The following PLD6 variants were observed in gnomAD, a reference collection of about 807,000 sequenced individuals.
The protein encoded by PLD6 is phospholipase D family member 6.
In PLD6, 10 loss-of-function variants were observed where a neutral mutation model predicts 9.7. The observed-to-expected ratio is 1.03, with a 90% CI of 0.64 to 1.75. The LOEUF is 1.75. Ranked by LOEUF, PLD6 falls within the 40% of genes most tolerant of loss-of-function variation. PLD6 has a pLI of 0.00. For missense variants in PLD6, 334 were observed against 347.6 expected (o/e 0.96, Z 0.31); for synonymous variants, 152 against 159.2 (o/e 0.96, Z 0.34).
rs199554116 is a variant in PLD6 at position 17,202,816 on chromosome 17, A to T, written c.710T>A (p.Leu237Ter). ...GCCGCAAGTTCTGTGCCATGAAAGC[A>T]ATCTCCCTCCAGCTCTGGAGACAGG... ...APPVSRAGGR[L>*]LSWHRTCGTS... The change falls in exon 2 of 2, where the codon TTG becomes TAG. Residue 237 changes from leucine (L) to a stop codon, truncating the protein, a stop_gained. Coordinates refer to ENST00000321560, the MANE Select transcript of PLD6 (RefSeq NM_178836.4). LOFTEE classifies it low-confidence loss of function (END_TRUNC). 2.7e-4 allele frequency: 430 copies of T among 1,614,040 alleles called. No homozygotes were observed. Among genetic ancestry groups the T allele is most frequent in the Non-Finnish European group, 3.5e-4 (418 of 1,180,038 alleles).
At chr17:17,205,496 G>A (rs1035892836) in intron 1 of PLD6, among the ~76,000 whole-genome samples, 2 of 152,182 alleles carry the variant, frequency 1.3e-5, no homozygotes, top group African/African-American at 4.8e-5. Context: ...GGCGGGCCCG[G>A]GCTGCAGCAG....
At position 17,202,584 on chromosome 17, in the gene PLD6, G is replaced by A. The variant is rs2046683727; in HGVS notation, c.*183C>T. The stretch of plus-strand genomic sequence containing the variant: ...TGAAGTTATTTTGGCAAAGGAGCAA[G>A]AAAAAGGTCTGGCCCGAAATAACTG... On this transcript the variant is annotated 3_prime_UTR_variant, in exon 2 of 2. Coordinates refer to ENST00000321560, the MANE Select transcript of PLD6 (RefSeq NM_178836.4). The A allele has an allele frequency of 7.7e-6, 5 of 650,210 alleles. No homozygotes were observed. The highest frequency in any genetic ancestry group is 1.3e-5 in the Non-Finnish European group (5 of 385,712). The allele number at this position is 650,210 out of a possible 1,614,324, so 40.3% of individuals were successfully genotyped here. A position where few individuals can be genotyped will look rare whatever the true frequency, so the allele number is the denominator to read the frequency against.
Position 17,206,289 on chromosome 17 carries a change from C to G in PLD6, c.-3G>C. ...ACCTGCCAACTCAACCGTCCCATGC[C>G]GCCGCTAATCCGGGACCCACAGCCA... is the stretch of plus-strand genomic sequence containing the variant. On this transcript the variant is annotated 5_prime_UTR_variant, in exon 1 of 2. Coordinates refer to ENST00000321560, the MANE Select transcript of PLD6 (RefSeq NM_178836.4). The G allele has an allele frequency of 6.5e-7, 1 of 1,528,318 alleles. No individual in the cohort carries two copies. The highest frequency in any genetic ancestry group is 8.7e-7 in the Non-Finnish European group (1 of 1,149,168). The allele number at this position is 1,528,318 out of a possible 1,614,324, so 94.7% of individuals were successfully genotyped here.
At position 17,202,878 on chromosome 17, in the gene PLD6, AAAGG is replaced by A. The variant is rs1567798489; in HGVS notation, c.644_647del (p.Thr215IlefsTer43). The A allele has an allele frequency of 6.2e-7, 1 of 1,614,176 alleles. No individual in the cohort carries two copies. The highest frequency in any genetic ancestry group is 8.5e-7 in the Non-Finnish European group (1 of 1,180,030). ...TTCCGTGACTTTTCTTTGGTGGGAA[AAAGG>A]TATACTTTGTAGGGTTAAACTGTTC... On this transcript the variant is annotated frameshift_variant, in exon 2 of 2. Coordinates refer to ENST00000321560, the MANE Select transcript of PLD6 (RefSeq NM_178836.4). LOFTEE classifies it low-confidence loss of function (END_TRUNC).
Position 17,202,006 on chromosome 17 carries a change from T to TAAAG in PLD6, c.*760_*761insCTTT, listed in dbSNP as rs1401335755. The stretch of plus-strand genomic sequence containing the variant: ...ATCTCAAAAAAGATAAATAAATAAA[T>TAAAG]AAATAAAATAAAAAAAGTTAAAAGC... On this transcript the variant is annotated 3_prime_UTR_variant, in exon 2 of 2. Transcript: ENST00000321560. 6.6e-6 allele frequency: 1 copy of TAAAG among 151,782 alleles called. No homozygotes were observed. The highest frequency in any genetic ancestry group is 1.9e-4 in the East Asian group (1 of 5,172). 9.4% of individuals were successfully genotyped at this position (151,782 alleles called of 1,614,324 possible). A position where few individuals can be genotyped will look rare whatever the true frequency, so the allele number is the denominator to read the frequency against.
Position 17,206,313 on chromosome 17 carries a change from C to G in PLD6, c.-27G>C. Reference sequence around the variant, plus strand: ...CCGCCGCTAATCCGGGACCCACAGCCACGCCGCCGCAGCGGAGTCTGCGCG... The same window carrying G: ...CCGCCGCTAATCCGGGACCCACAGCGACGCCGCCGCAGCGGAGTCTGCGCG... On this transcript the variant is annotated 5_prime_UTR_variant, in exon 1 of 2. Coordinates refer to ENST00000321560, the MANE Select transcript of PLD6 (RefSeq NM_178836.4). 6.7e-7 allele frequency: 1 copy of G among 1,497,992 alleles called. No individual in the cohort carries two copies. The allele number at this position is 1,497,992 out of a possible 1,614,324, so 92.8% of individuals were successfully genotyped here. A position where few individuals can be genotyped will look rare whatever the true frequency, so the allele number is the denominator to read the frequency against.
At position 17,206,302 on chromosome 17, in the gene PLD6, G is replaced by A. The variant is rs2046720950; in HGVS notation, c.-16C>T. 2 of 1,517,274 alleles carry A rather than the reference G, an allele frequency of 1.3e-6. No individual in the cohort carries two copies. The highest frequency in any genetic ancestry group is 2.4e-5 in the South Asian group (2 of 82,212). 94.0% of individuals were successfully genotyped at this position (1,517,274 alleles called of 1,614,324 possible). On this transcript the variant is annotated 5_prime_UTR_variant, in exon 1 of 2. Coordinates refer to ENST00000321560, the MANE Select transcript of PLD6 (RefSeq NM_178836.4). ...ACCGTCCCATGCCGCCGCTAATCCGGGACCCACAGCCACGCCGCCGCAGCG... is the reference window on the plus strand; with the variant it reads ...ACCGTCCCATGCCGCCGCTAATCCGAGACCCACAGCCACGCCGCCGCAGCG...
rs2046683389 is a variant in PLD6, at chr17:17,202,550, G to C, written c.*217C>G. On this transcript the variant is annotated 3_prime_UTR_variant, in exon 2 of 2. Coordinates refer to ENST00000321560, the MANE Select transcript of PLD6 (RefSeq NM_178836.4). ...ACACTCATGAAAGCACCCCGTGGCA[G>C]GTCGTGACTGAAGTTATTTTGGCAA... is the stretch of plus-strand genomic sequence containing the variant. 1.7e-6 allele frequency: 1 copy of C among 578,596 alleles called. No homozygotes were observed. Among genetic ancestry groups the C allele is most frequent in the Admixed American group, 3.0e-5 (1 of 32,956 alleles). The allele number at this position is 578,596 out of a possible 1,614,324, so 35.8% of individuals were successfully genotyped here. A position where few individuals can be genotyped will look rare whatever the true frequency, so the allele number is the denominator to read the frequency against.
Position 17,206,154 on chromosome 17 carries a change from G to A in PLD6, c.133C>T (p.Pro45Ser). The A allele has an allele frequency of 6.6e-7, 1 of 1,504,606 alleles. No individual in the cohort carries two copies. Among genetic ancestry groups the A allele is most frequent in the Non-Finnish European group, 8.8e-7 (1 of 1,133,888 alleles). The allele number at this position is 1,504,606 out of a possible 1,614,324, so 93.2% of individuals were successfully genotyped here. Residue 45 changes from proline (P) to serine (S), a missense_variant, in exon 1 of 2, where the codon CCG becomes TCG. Pro to Ser is a moderately conservative substitution (Grantham distance 74, BLOSUM62 -1). Coordinates refer to ENST00000321560, the MANE Select transcript of PLD6 (RefSeq NM_178836.4). The part of the protein sequence containing the change: ...RRPRREALFF[P>S]SQVTCTEALL... ...GCCTCGGTACAGGTCACCTGAGACG[G>A]GAAGAACAGCGCCTCGCGCCGCGGC...
chr17:17,206,325 G>T lies in PLD6; in HGVS notation c.-39C>A. The T allele has an allele frequency of 6.8e-7, 1 of 1,476,408 alleles. No homozygotes were observed. Among genetic ancestry groups the T allele is most frequent in the Non-Finnish European group, 8.9e-7 (1 of 1,123,228 alleles). 91.5% of individuals were successfully genotyped at this position (1,476,408 alleles called of 1,614,324 possible). A position where few individuals can be genotyped will look rare whatever the true frequency, so the allele number is the denominator to read the frequency against. On this transcript the variant is annotated 5_prime_UTR_variant, in exon 1 of 2. The change creates a new upstream start codon in the 5' untranslated region. Coordinates refer to ENST00000321560, the MANE Select transcript of PLD6 (RefSeq NM_178836.4). ...CGGGACCCACAGCCACGCCGCCGCAGCGGAGTCTGCGCGCCCCCAGCCCTA... is the reference window on the plus strand; with the variant it reads ...CGGGACCCACAGCCACGCCGCCGCATCGGAGTCTGCGCGCCCCCAGCCCTA...
rs2046687506 is a variant in PLD6 at position 17,202,984 on chromosome 17, T to C, written c.542A>G (p.Asn181Ser). The C allele has an allele frequency of 2.5e-6, 4 of 1,614,242 alleles. No homozygotes were observed. The East Asian group carries it at 8.9e-5, about 36-fold the overall frequency. ...CGTGATGAGAACATTCTCCCTGTTG[T>C]TCTGGATGGCTTGCGTGGTCCAGTT... is the stretch of plus-strand genomic sequence containing the variant. Reference protein sequence around the residue: ...SLNWTTQAIQNNRENVLITED... With the variant: ...SLNWTTQAIQSNRENVLITED... The change falls in exon 2 of 2, where the codon AAC becomes AGC. Residue 181 changes from asparagine to serine, a missense_variant. Coordinates refer to ENST00000321560, the MANE Select transcript of PLD6 (RefSeq NM_178836.4).
rs1271603468 is a variant in PLD6, at chr17:17,206,256, C to T, written c.31G>A (p.Ala11Thr). 1.3e-6 allele frequency: 2 copies of T among 1,544,106 alleles called. No homozygotes were observed. Among genetic ancestry groups the T allele is most frequent in the East Asian group, 2.5e-5 (1 of 39,268 alleles). The change falls in exon 1 of 2, where the codon GCG becomes ACG. Residue 11 changes from alanine to threonine, a missense_variant. By Grantham distance (58) the Ala-to-Thr change is moderately conservative. Coordinates refer to ENST00000321560, the MANE Select transcript of PLD6 (RefSeq NM_178836.4). The part of the protein sequence containing the change: MGRLSWQVAA[A>T]AAVGLALTLE... The stretch of plus-strand genomic sequence containing the variant: ...GTCAGAGCCAGGCCCACAGCCGCCG[C>T]GGCCGCCACCTGCCAACTCAACCGT...
chr17:17,205,260 C>G (rs946363062), intron 1 of PLD6, among the ~76,000 whole-genome samples: 2 of 152,220 alleles, frequency 1.3e-5, no homozygotes, highest in Non-Finnish European at 2.9e-5. Flanking sequence ...ATATGTGTTC[C>G]CCTCCTTTTG....
chr17:17,203,175 C>A (rs1454147279), intron 1 of PLD6, 77 bp from the exon 2 acceptor site: 1 of 1,424,290 alleles, frequency 7.0e-7, no homozygotes, highest in East Asian at 2.4e-5. Context: ...GGGCTACTGG[C>A]TTTACTATAT....
At chr17:17,205,304 C>T (rs540830193) in intron 1 of PLD6, among the ~76,000 whole-genome samples, 8 of 152,300 alleles carry the variant, frequency 5.3e-5, no homozygotes, top group Non-Finnish European at 7.4e-5. Flanking sequence ...CCTGGCGCTG[C>T]TTTCTAGAAC....
In PLD6 at chr17:17,206,038, C is replaced by T. The variant is rs1485505215; in HGVS notation, c.249G>A (p.Leu83=). The part of the protein sequence containing the change: ...LPHGESALSR[L]LRALLAARAS... ...CGCGGGCGGCCAGCAGGGCACGCAG[C>T]AGGCGGCTTAGCGCGCTCTCGCCGT... is the stretch of plus-strand genomic sequence containing the variant. Residue 83 remains leucine, a synonymous_variant, in exon 1 of 2, where the codon CTG becomes CTA. Coordinates refer to ENST00000321560, the MANE Select transcript of PLD6 (RefSeq NM_178836.4). 1.3e-6 allele frequency: 2 copies of T among 1,536,356 alleles called. No individual in the cohort carries two copies.
At chr17:17,205,286 C>T (rs2144782435) in intron 1 of PLD6, among the ~76,000 whole-genome samples, 1 of 152,340 alleles carries the variant, frequency 6.6e-6, no homozygotes, top group African/African-American at 2.4e-5. Context: ...GGGAAAACAA[C>T]CGAATGTCCT....
intron 1 of PLD6, chr17:17,204,243 C>T (rs1023347957): frequency 3.3e-5 from 5 of 152,394 alleles, no homozygotes; most frequent in Non-Finnish European, 5.9e-5. Flanking sequence ...AGTCTGTGAC[C>T]CAGGGCGACT....
rs11551966 is a variant in PLD6, at chr17:17,205,964, C to T, written c.323G>A (p.Arg108His). The T allele has an allele frequency of 1.3e-6, 2 of 1,557,126 alleles. No homozygotes were observed. The highest frequency in any genetic ancestry group is 1.4e-5 in the African/African-American group (1 of 73,702). Residue 108 changes from arginine to histidine, a missense_variant, in exon 1 of 2, where the codon CGC (arginine) becomes CAC (histidine). Transcript: ENST00000321560. The stretch of plus-strand genomic sequence containing the variant: ...ACGCTGGTGCAGCAACTGCACGGCG[C>T]GGCCCAGCTGCGGGCTGGAGAAGGC... ...LFAFSSPQLG[R>H]AVQLLHQRGV... is the part of the protein sequence containing the mutation.
Sources: gnomAD v4.1 joint callset for allele counts (sites outside exome capture counted in the v4.1 genomes callset) on GRCh38, gnomAD v4.1.1 for gene constraint, MANE v1.5 for transcripts, NCBI Gene and HGNC (gene_info 2026-07-23, HGNC 2026-07-21) for gene names.